ACVR1C: variants seen among roughly 807,000 people sequenced by gnomAD.
ACVR1C encodes activin A receptor type 1C, also known as activin receptor type-1C.
Under a neutral mutation model 57.9 loss-of-function variants are expected in ACVR1C, and 23 were observed. The ratio of observed to expected loss-of-function variants is 0.40; its 90% CI spans 0.29 to 0.56. The LOEUF (loss-of-function observed/expected upper bound fraction) is 0.56, where lower values mean the gene tolerates loss of function less well. ACVR1C is among the 20% of genes least tolerant of loss of function. ACVR1C has a pLI of 0.50. For missense variants in ACVR1C, 480 were observed against 607.9 expected (o/e 0.79, Z 2.21); for synonymous variants, 214 against 215.3 (o/e 0.99, Z 0.05).
intron 1 of ACVR1C, among the ~76,000 whole-genome samples, chr2:157,606,687 T>A (rs1174139904): frequency 6.6e-6 from 1 of 151,836 alleles, no homozygotes; most frequent in African/African-American, 2.4e-5. Flanking sequence ...GAGTTTTGGT[T>A]CATTTAATAT....
intron 3 of ACVR1C, among the ~76,000 whole-genome samples, chr2:157,555,135 G>A (rs560366154): frequency 7.4e-5 from 7 of 94,006 alleles, no homozygotes; most frequent in Admixed American, 7.2e-4. Flanking sequence ...TTTTTGAGAC[G>A]GAGTCTCGCT....
At chr2:157,591,055 G>A (rs777754490) in intron 1 of ACVR1C, among the ~76,000 whole-genome samples, 76 of 152,068 alleles carry the variant, frequency 5.0e-4, no homozygotes, top group Non-Finnish European at 9.1e-4. Context: ...TCCTACTACC[G>A]AAGCGGGTAA....
At chr2:157,544,033 T>C (rs1239006864) in intron 5 of ACVR1C, among the ~76,000 whole-genome samples, 2 of 149,526 alleles carry the variant, frequency 1.3e-5, no homozygotes, top group Non-Finnish European at 3.0e-5. Flanking sequence ...ATTGTTTCTT[T>C]ACTTTTTTTT....
At chr2:157,550,056 G>A in intron 4 of ACVR1C, 106 bp downstream of exon 4, 2 of 857,776 alleles carry the variant, frequency 2.3e-6, no homozygotes, top group East Asian at 5.4e-5. Flanking sequence ...AAGAAGAGGT[G>A]AATTTATTTT....
chr2:157,554,217 A>AAGAAAGAAAGAAAGAGAGAG (rs1558974863), intron 3 of ACVR1C, among the ~76,000 whole-genome samples: 1 of 104,362 alleles, frequency 9.6e-6, no homozygotes, highest in African/African-American at 4.6e-5. Context: ...GAAAGAAAGA[A>AAGAAAGAAAGAAAGAGAGAG]AGAAAGAAAG....
intron 1 of ACVR1C, among the ~76,000 whole-genome samples, chr2:157,620,020 A>C (rs1467146327): frequency 3.3e-5 from 5 of 152,076 alleles, no homozygotes; most frequent in Non-Finnish European, 7.4e-5. Context: ...TCTGGGGAAC[A>C]TCATCTTGAT....
At position 157,567,352 on chromosome 2, in the gene ACVR1C, C is replaced by G. The variant is rs1266676442; in HGVS notation, c.305-11020G>C. Among the ~76,000 whole-genome samples the G allele has an allele frequency of 4.9e-5, 5 of 102,178 alleles. 1 individual carries two copies. Among genetic ancestry groups the G allele is most frequent in the African/African-American group, 2.3e-4 (5 of 22,086 alleles). 67.0% of individuals were successfully genotyped at this position (102,178 alleles called of 152,430 possible). On this transcript the variant is annotated intron_variant, in intron 2 of 8. Coordinates refer to ENST00000243349, the MANE Select transcript of ACVR1C (RefSeq NM_145259.3). Reference sequence around the variant, plus strand: ...ACGCAGTTCCTCACCAGCAACAGAACAAAGCTGGATGGAGAATGATTTTGA... The same window carrying G: ...ACGCAGTTCCTCACCAGCAACAGAAGAAAGCTGGATGGAGAATGATTTTGA...
At chr2:157,576,662 G>C (rs1688660967) in intron 2 of ACVR1C, among the ~76,000 whole-genome samples, 1 of 152,110 alleles carries the variant, frequency 6.6e-6, no homozygotes, top group African/African-American at 2.4e-5. Flanking sequence ...TCATGAATGA[G>C]AATGGCTTGT....
intron 4 of ACVR1C, among the ~76,000 whole-genome samples, chr2:157,545,177 A>C (rs1573907538): frequency 6.6e-6 from 1 of 152,226 alleles, no homozygotes; most frequent in African/African-American, 2.4e-5. Flanking sequence ...AATTTACCTC[A>C]TTTAGCCAAA....
In ACVR1C at chr2:157,556,157, C is replaced by G. The variant is rs369546420; in HGVS notation, c.480G>C (p.Leu160=). ...NVEEPLSECN[L]VNAGKTLKDL... is the part of the protein sequence containing the mutation. The stretch of plus-strand genomic sequence containing the variant: ...CTTTCAGAGTTTTTCCAGCATTTAC[C>G]AGATTGCACTCAGAGAGTGGTTCCT... The change falls in exon 3 of 9, where the codon CTG becomes CTC. Residue 160 remains leucine, a synonymous_variant. Coordinates refer to ENST00000243349, the MANE Select transcript of ACVR1C (RefSeq NM_145259.3). 3 of 1,613,870 alleles carry G rather than the reference C, an allele frequency of 1.9e-6. No homozygotes were observed. The African/African-American group carries it at 4.0e-5, about 22-fold the overall frequency.
intron 6 of ACVR1C, 47 bp downstream of exon 6, chr2:157,542,659 T>C (rs749830536): frequency 6.3e-7 from 1 of 1,578,844 alleles, no homozygotes; most frequent in South Asian, 1.2e-5. Context: ...TTCATGCTTA[T>C]TGGGCACTCT....
intron 6 of ACVR1C, among the ~76,000 whole-genome samples, chr2:157,541,488 A>G (rs1325781128): frequency 6.6e-6 from 1 of 152,224 alleles, no homozygotes; most frequent in Non-Finnish European, 1.5e-5. Flanking sequence ...TCTACAGTCC[A>G]TGGGCCTGAC....
chr2:157,537,184 A>G (rs1687510142), intron 8 of ACVR1C, among the ~76,000 whole-genome samples: 1 of 152,110 alleles, frequency 6.6e-6, no homozygotes, highest in South Asian at 2.1e-4. Flanking sequence ...TATATTCTAA[A>G]AAAATACATA....
chr2:157,625,192 A>G (rs541730840), intron 1 of ACVR1C, among the ~76,000 whole-genome samples: 2 of 152,252 alleles, frequency 1.3e-5, no homozygotes, highest in East Asian at 3.9e-4. Context: ...AGCTCCTGTG[A>G]TCTGTCAGCA....
At chr2:157,591,863 A>C (rs1423474332) in intron 1 of ACVR1C, among the ~76,000 whole-genome samples, 1 of 152,074 alleles carries the variant, frequency 6.6e-6, no homozygotes, top group Non-Finnish European at 1.5e-5. Context: ...AATGAGGCTC[A>C]AAAAGACAAA....
rs755025381 is a variant in ACVR1C at position 157,544,575 on chromosome 2, T to A, written c.813A>T (p.Glu271Asp). 1.3e-5 allele frequency: 21 copies of A among 1,613,180 alleles called. No individual in the cohort carries two copies. The highest frequency in any genetic ancestry group is 3.3e-4 in the Middle Eastern group (2 of 6,078). The change falls in exon 5 of 9, where the codon GAA becomes GAT. Residue 271 changes from glutamate to aspartate, a missense_variant. Transcript: ENST00000243349. ...GTWTQLWLVS[E>D]YHEQGSLYDY... ...CATATAAGGAGCCCTGTTCATGATA[T>A]TCAGATACCAGCCAAAGTTGAGTCC...
intron 5 of ACVR1C, among the ~76,000 whole-genome samples, chr2:157,543,346 T>A (rs373255870): frequency 3.3e-5 from 5 of 152,084 alleles, no homozygotes; most frequent in African/African-American, 1.2e-4. Flanking sequence ...AAACAACATA[T>A]GAGAACAGAC....
chr2:157,549,490 G>T (rs1355081108), intron 4 of ACVR1C, among the ~76,000 whole-genome samples: 1 of 152,086 alleles, frequency 6.6e-6, no homozygotes, highest in East Asian at 1.9e-4. Context: ...CCAGGATTCT[G>T]TTCTACTTGA....
intron 2 of ACVR1C, among the ~76,000 whole-genome samples, chr2:157,574,489 C>A (rs914296435): frequency 6.6e-6 from 1 of 152,204 alleles, no homozygotes; most frequent in Non-Finnish European, 1.5e-5. Context: ...CATATTTAGA[C>A]CATAGCAGAC....
Sources: allele counts gnomAD v4.1 joint callset (sites outside exome capture counted in the v4.1 genomes callset), GRCh38; gene constraint gnomAD v4.1.1; transcripts MANE v1.5; gene names NCBI Gene and HGNC (gene_info 2026-07-23, HGNC 2026-07-21).